The following MGAT4C variants were observed in gnomAD, a reference collection of about 807,000 sequenced individuals.
MGAT4C encodes the protein alpha-1,3-mannosyl-glycoprotein 4-beta-N-acetylglucosaminyltransferase C.
MGAT4C carries 19 observed loss-of-function variants against 40.1 expected under a neutral mutation model. The observed-to-expected ratio is 0.47, with a 90% CI of 0.33 to 0.70. MGAT4C has a LOEUF of 0.70. Among genes scored for constraint, MGAT4C ranks in the 30% least tolerant of loss-of-function variants. The probability of loss-of-function intolerance (pLI) is 0.02; values close to 1 mark genes in which losing one functional copy is unlikely to be tolerated. For synonymous variants in MGAT4C, 181 were observed against 187.1 expected, an observed-to-expected ratio of 0.97 and a Z score of 0.27; for missense variants, 491 against 563.2, an observed-to-expected ratio of 0.87 and a Z score of 1.30.
intron 4 of MGAT4C, among the ~76,000 whole-genome samples, chr12:86,283,192 T>TAA (rs35691835): frequency 6.9e-6 from 1 of 144,060 alleles, no homozygotes; most frequent in Non-Finnish European, 1.5e-5. Flanking sequence ...TCCACCACAA[T>TAA]AAAAAAAAAA....
chr12:86,345,323 G>A (rs913777799), intron 3 of MGAT4C, among the ~76,000 whole-genome samples: 8 of 151,050 alleles, frequency 5.3e-5, no homozygotes, highest in Admixed American at 2.0e-4. Flanking sequence ...TGTGCACAAC[G>A]TGCAGGTTTG....
At chr12:86,752,064 G>A (rs1303311373) in intron 1 of MGAT4C, among the ~76,000 whole-genome samples, 3 of 151,884 alleles carry the variant, frequency 2.0e-5, no homozygotes, top group Non-Finnish European at 1.5e-5. Flanking sequence ...ATATAATAAT[G>A]ATGTATCACC....
chr12:86,766,670 C>G (rs932518787), intron 1 of MGAT4C, among the ~76,000 whole-genome samples: 5 of 151,886 alleles, frequency 3.3e-5, no homozygotes, highest in Admixed American at 6.6e-5. Flanking sequence ...CAAACTATCT[C>G]TCAGACCACA....
At chr12:86,712,236 A>G (rs1359063384) in intron 2 of MGAT4C, among the ~76,000 whole-genome samples, 2 of 152,122 alleles carry the variant, frequency 1.3e-5, no homozygotes, top group African/African-American at 4.8e-5. Flanking sequence ...GAATGTATAC[A>G]TACAGAATTT....
At chr12:86,670,304 A>T (rs1272210806) in intron 2 of MGAT4C, among the ~76,000 whole-genome samples, 1 of 152,162 alleles carries the variant, frequency 6.6e-6, no homozygotes, top group African/African-American at 2.4e-5. Context: ...ATCAACACAA[A>T]GAAAGTTTTA....
intron 1 of MGAT4C, among the ~76,000 whole-genome samples, chr12:86,245,822 AAATT>A (rs1225234491): frequency 3.3e-5 from 5 of 152,204 alleles, no homozygotes; most frequent in Admixed American, 1.3e-4. Flanking sequence ...CAACAAGAAC[AAATT>A]AATTAAAGTG....
Position 85,979,305 on chromosome 12 carries a change from C to A in MGAT4C, c.1421G>T (p.Ser474Ile). Residue 474 changes from serine to isoleucine, a missense_variant, in exon 5 of 5, where the codon AGC becomes ATC. Physicochemically the swap from Ser to Ile is moderately radical, Grantham distance 142. Transcript: ENST00000611864. ...QKEWLIIRSI[S>I]IWTS ...TTTAATTGGCTAAGAAGTCCAAATGCTAATACTCCTAATAATTAGCCATTC... is the reference window on the plus strand; with the variant it reads ...TTTAATTGGCTAAGAAGTCCAAATGATAATACTCCTAATAATTAGCCATTC... The A allele has an allele frequency of 6.2e-7, 1 of 1,601,204 alleles. No individual in the cohort carries two copies. Among genetic ancestry groups the A allele is most frequent in the East Asian group, 2.2e-5 (1 of 44,616 alleles).
At chr12:86,157,139 AC>A (rs1885045039) in intron 1 of MGAT4C, among the ~76,000 whole-genome samples, 1 of 151,828 alleles carries the variant, frequency 6.6e-6, no homozygotes, top group African/African-American at 2.4e-5. Flanking sequence ...ATGAAAAAAA[AC>A]AGTTTACACA....
intron 2 of MGAT4C, among the ~76,000 whole-genome samples, chr12:86,579,941 T>G (rs916013455): frequency 6.6e-6 from 1 of 151,544 alleles, no homozygotes; most frequent in African/African-American, 2.4e-5. Flanking sequence ...TATCTGTTAT[T>G]TGTTTTCTCT....
Position 86,479,068 on chromosome 12 carries a change from G to A in MGAT4C, c.-228-43803C>T, listed in dbSNP as rs1387960119. ...TTGCAAGCAAACCAACAGCATAATA[G>A]TGAACACTTCCTCATATCTTAAAAA... On this transcript the variant is annotated intron_variant, in intron 2 of 7. Transcript: ENST00000548651. Among the ~76,000 whole-genome samples, 3 of 152,046 alleles carry A rather than the reference G, an allele frequency of 2.0e-5. No individual in the cohort carries two copies. In the East Asian group the frequency reaches 5.8e-4, roughly 29 times the overall value.
chr12:86,463,428 T>C (rs1464714025), intron 2 of MGAT4C, among the ~76,000 whole-genome samples: 1 of 152,164 alleles, frequency 6.6e-6, no homozygotes, highest in Non-Finnish European at 1.5e-5. Flanking sequence ...AGTTCTTATA[T>C]GCATCTCAAA....
chr12:86,701,569 T>C (rs1436044240), intron 2 of MGAT4C, among the ~76,000 whole-genome samples: 1 of 152,180 alleles, frequency 6.6e-6, no homozygotes, highest in Non-Finnish European at 1.5e-5. Context: ...TGGGCTTCCC[T>C]AGTACTTGAC....
intron 2 of MGAT4C, among the ~76,000 whole-genome samples, chr12:86,466,912 T>C (rs1395462932): frequency 6.6e-6 from 1 of 152,174 alleles, no homozygotes; most frequent in Non-Finnish European, 1.5e-5. Flanking sequence ...TTCTATAAAT[T>C]TCTAAGTTGT....
At chr12:86,251,969 T>A (rs1166890168) in intron 1 of MGAT4C, among the ~76,000 whole-genome samples, 1 of 152,098 alleles carries the variant, frequency 6.6e-6, no homozygotes, top group Non-Finnish European at 1.5e-5. Context: ...AATTCATGGA[T>A]ATAAGTTGTT....
intron 2 of MGAT4C, among the ~76,000 whole-genome samples, chr12:86,648,599 A>G (rs1963611646): frequency 6.6e-6 from 1 of 152,042 alleles, no homozygotes; most frequent in East Asian, 1.9e-4. Context: ...CCAGGAAGAG[A>G]GCCCTCACCA....
intron 2 of MGAT4C, among the ~76,000 whole-genome samples, chr12:86,618,276 C>A (rs1962522773): frequency 6.6e-6 from 1 of 151,972 alleles, no homozygotes. Context: ...GCGATTTCCC[C>A]AAAAATTAAA....
In MGAT4C at chr12:86,371,634, A is replaced by G. The variant is rs1955716436; in HGVS notation, c.-119-37507T>C. ...CCCTATCCCATAGGCAGAAGTAGCT[A>G]GGACCCTGACTTAGAGCACTTTTCT... is the stretch of plus-strand genomic sequence containing the variant. On this transcript the variant is annotated intron_variant, in intron 3 of 7. Transcript: ENST00000548651. Among the ~76,000 whole-genome samples, 5 of 152,146 alleles carry G rather than the reference A, an allele frequency of 3.3e-5. No individual in the cohort carries two copies. The South Asian group carries it at 1.0e-3, about 32-fold the overall frequency.
At chr12:86,626,835 C>T (rs984048923) in intron 2 of MGAT4C, among the ~76,000 whole-genome samples, 3 of 152,198 alleles carry the variant, frequency 2.0e-5, no homozygotes, top group African/African-American at 7.2e-5. Context: ...GCATTTCCAA[C>T]TGAGGTACCT....
At chr12:86,076,111 G>A (rs1232168915) in intron 1 of MGAT4C, among the ~76,000 whole-genome samples, 1 of 152,152 alleles carries the variant, frequency 6.6e-6, no homozygotes, top group Admixed American at 6.5e-5. Flanking sequence ...CCACTTGAAT[G>A]CTTTGCTGCT....
Sources: allele counts gnomAD v4.1 joint callset (sites outside exome capture counted in the v4.1 genomes callset), GRCh38; gene constraint gnomAD v4.1.1; transcripts MANE v1.5; gene names NCBI Gene and HGNC (gene_info 2026-07-23, HGNC 2026-07-21).